Variants in CHRM2 observed in about 807,000 individuals in gnomAD.
The protein encoded by CHRM2 is cholinergic receptor muscarinic 2.
A neutral mutation model predicts 25.0 loss-of-function variants in CHRM2; 8 were observed. The observed-to-expected ratio is 0.32, with a 90% CI of 0.19 to 0.58. The LOEUF (loss-of-function observed/expected upper bound fraction) is 0.58, where lower values mean the gene tolerates loss of function less well. Ranked by LOEUF, CHRM2 falls within the 20% of genes least tolerant of loss-of-function variation. The pLI is 0.88. For synonymous variants in CHRM2, 202 were observed against 205.7 expected, an observed-to-expected ratio of 0.98 and a Z score of 0.15; for missense variants, 440 against 567.1, an observed-to-expected ratio of 0.78 and a Z score of 2.28.
chr7:137,000,547 A>AGAAAGAAGGAAG (rs1803941932), intron 3 of CHRM2, among the ~76,000 whole-genome samples: 1 of 95,174 alleles, frequency 1.1e-5, no homozygotes, highest in African/African-American at 3.6e-5. Flanking sequence ...AAAGAAAGAA[A>AGAAAGAAGGAAG]GAAGGAAGGA....
At chr7:136,994,821 T>A (rs1803484378) in intron 3 of CHRM2, among the ~76,000 whole-genome samples, 1 of 152,028 alleles carries the variant, frequency 6.6e-6, no homozygotes, top group African/African-American at 2.4e-5. Flanking sequence ...TGAGTGGGAC[T>A]AGATCCCATA....
chr7:136,920,071 T>C (rs181715155), intron 2 of CHRM2, among the ~76,000 whole-genome samples: 49 of 152,142 alleles, frequency 3.2e-4, no homozygotes, highest in African/African-American at 1.2e-3. Context: ...GACATTTCAA[T>C]CTTATATGGT....
At position 137,002,858 on chromosome 7, in the gene CHRM2, G is replaced by A. The variant is rs1446385548; in HGVS notation, c.-47+10594G>A. ...TTAGAATCAACTGTTAAATTATAAT[G>A]GACTCAGTAATAGTGACTGCTTAAC... On this transcript the variant is annotated intron_variant, in intron 3 of 3. Coordinates refer to ENST00000680005, the MANE Select transcript of CHRM2 (RefSeq NM_001006630.2). Among the ~76,000 whole-genome samples the A allele has an allele frequency of 1.1e-4, 17 of 151,968 alleles. 1 individual carries two copies. The highest frequency in any genetic ancestry group is 1.1e-3 in the Admixed American group (17 of 15,256).
Position 137,015,101 on chromosome 7 carries a change from T to G in CHRM2, c.236T>G (p.Leu79Trp). ...ATCATAGGTGTTTTCTCCATGAACT[T>G]GTACACCCTCTACACTGTGATTGGT... ...DLIIGVFSMNLYTLYTVIGYW... is the reference protein window; with the variant it reads ...DLIIGVFSMNWYTLYTVIGYW... Residue 79 changes from leucine to tryptophan, a missense_variant, in exon 4 of 4, where the codon TTG becomes TGG. Leu to Trp is a moderately conservative substitution (Grantham distance 61). Transcript: ENST00000680005. This position sits in a 1 kb window ranked among gnomAD's most constrained non-coding sequence, Gnocchi z 5.1. The G allele has an allele frequency of 1.2e-6, 2 of 1,613,500 alleles. No individual in the cohort carries two copies. Among genetic ancestry groups the G allele is most frequent in the Non-Finnish European group, 1.7e-6 (2 of 1,179,628 alleles).
intron 3 of CHRM2, among the ~76,000 whole-genome samples, chr7:136,997,601 G>A (rs1358544905): frequency 6.6e-6 from 1 of 152,160 alleles, no homozygotes; most frequent in East Asian, 1.9e-4. Flanking sequence ...CAGCATCTTT[G>A]AGACTCAATG....
chr7:136,972,322 T>G (rs1801831000), intron 2 of CHRM2, among the ~76,000 whole-genome samples: 1 of 152,236 alleles, frequency 6.6e-6, no homozygotes, highest in African/African-American at 2.4e-5. Flanking sequence ...ATTTTAAGGC[T>G]GTTTCATCTG....
intron 2 of CHRM2, among the ~76,000 whole-genome samples, chr7:136,979,561 G>C (rs1329518590): frequency 6.6e-6 from 1 of 152,138 alleles, no homozygotes; most frequent in African/African-American, 2.4e-5. Context: ...TTTTCTTCTA[G>C]AGTTTTTATG....
chr7:137,016,254 C>G lies in CHRM2; in HGVS notation c.1389C>G (p.Gly463=), dbSNP rs573795503. The change falls in exon 4 of 4, where the codon GGC becomes GGG. Residue 463 remains glycine (G), a synonymous_variant. Coordinates refer to ENST00000680005, the MANE Select transcript of CHRM2 (RefSeq NM_001006630.2). ...TCATGTGTCATTATAAGAACATAGG[C>G]GCTACAAGGTAAAATATCTTTGAAA... The part of the protein sequence containing the change: ...HLLMCHYKNI[G]ATR The G allele has an allele frequency of 6.2e-7, 1 of 1,612,464 alleles. No homozygotes were observed. The highest frequency in any genetic ancestry group is 8.5e-7 in the Non-Finnish European group (1 of 1,179,010).
chr7:136,917,319 T>C (rs529196695), intron 2 of CHRM2, among the ~76,000 whole-genome samples: 1 of 152,176 alleles, frequency 6.6e-6, no homozygotes, highest in African/African-American at 2.4e-5. Context: ...CTCAATTTTC[T>C]TATCCTTTCC....
At chr7:136,934,964 T>C (rs1799329548) in intron 2 of CHRM2, among the ~76,000 whole-genome samples, 2 of 152,002 alleles carry the variant, frequency 1.3e-5, no homozygotes, top group African/African-American at 4.8e-5. Context: ...GGAAAAATTA[T>C]AAAACTGTAA....
chr7:136,877,391 A>ACT (rs1369982724), intron 2 of CHRM2, among the ~76,000 whole-genome samples: 3 of 152,058 alleles, frequency 2.0e-5, no homozygotes, highest in African/African-American at 7.2e-5. Flanking sequence ...TACTTAAGAA[A>ACT]TAAGTACTTG....
intron 2 of CHRM2, among the ~76,000 whole-genome samples, chr7:136,941,746 A>G (rs1305489925): frequency 6.6e-6 from 1 of 152,148 alleles, no homozygotes. Flanking sequence ...TTGTTTTATT[A>G]TTTGTCATTG....
intron 2 of CHRM2, among the ~76,000 whole-genome samples, chr7:136,949,510 C>T (rs1800269902): frequency 2.7e-5 from 4 of 149,146 alleles, no homozygotes; most frequent in Admixed American, 2.0e-4. Flanking sequence ...CACTTGCAGT[C>T]CTAGCTACTT....
intron 2 of CHRM2, among the ~76,000 whole-genome samples, chr7:136,930,636 G>A (rs542785139): frequency 7.3e-5 from 11 of 151,640 alleles, no homozygotes; most frequent in African/African-American, 1.9e-4. Context: ...GGTGGCTCAT[G>A]CCTGTAATCC....
chr7:136,963,271 T>C (rs1234492806), intron 2 of CHRM2, among the ~76,000 whole-genome samples: 2 of 152,070 alleles, frequency 1.3e-5, no homozygotes, highest in Non-Finnish European at 2.9e-5. Context: ...TCCTTTTCTG[T>C]TTTCCGTTAA....
At chr7:136,942,661 C>T (rs1799840150) in intron 2 of CHRM2, among the ~76,000 whole-genome samples, 1 of 152,124 alleles carries the variant, frequency 6.6e-6, no homozygotes, top group African/African-American at 2.4e-5. Context: ...CCTTCACTGT[C>T]AGGGAAGAAT....
intron 2 of CHRM2, among the ~76,000 whole-genome samples, chr7:136,906,483 T>C (rs565234970): frequency 6.6e-6 from 1 of 151,898 alleles, no homozygotes; most frequent in South Asian, 2.1e-4. Context: ...AAACCACACA[T>C]TTGGTTTTTA....
intron 2 of CHRM2, among the ~76,000 whole-genome samples, chr7:136,950,325 G>C (rs1039166796): frequency 3.9e-5 from 6 of 152,136 alleles, no homozygotes; most frequent in Non-Finnish European, 4.4e-5. Context: ...GGACAATAGA[G>C]ATACAAATCA....
At chr7:136,975,470 G>T (rs912271804) in intron 2 of CHRM2, among the ~76,000 whole-genome samples, 3 of 152,116 alleles carry the variant, frequency 2.0e-5, no homozygotes, top group Non-Finnish European at 4.4e-5. Flanking sequence ...GAATTAATTG[G>T]TAATTATTTT....
Sources: gnomAD v4.1 joint callset for allele counts (sites outside exome capture counted in the v4.1 genomes callset) on GRCh38, gnomAD v4.1.1 for gene constraint, Gnocchi (gnomAD v3.1) non-coding constraint, MANE v1.5 for transcripts, NCBI Gene and HGNC (gene_info 2026-07-23, HGNC 2026-07-21) for gene names.